Variants in CFLAR observed in about 807,000 individuals in gnomAD.
The protein encoded by CFLAR is CASP8 and FADD like apoptosis regulator.
A neutral mutation model predicts 51.1 loss-of-function variants in CFLAR; 14 were observed. The observed-to-expected ratio is 0.27, with a 90% confidence interval of 0.18 to 0.43. The LOEUF (loss-of-function observed/expected upper bound fraction) is 0.43, where lower values mean the gene tolerates loss of function less well. Among genes scored for constraint, CFLAR ranks in the 20% least tolerant of loss-of-function variants. The probability of loss-of-function intolerance (pLI) is 1.00; values close to 1 mark genes in which losing one functional copy is unlikely to be tolerated. For synonymous variants in CFLAR, 210 were observed against 211.6 expected (o/e 0.99, Z 0.06); for missense variants, 390 against 566.5 (o/e 0.69, Z 3.16).
At chr2:201,150,348 T>C (rs1473176968) in intron 8 of CFLAR, 1 of 136,556 alleles carries the variant, frequency 7.3e-6, no homozygotes, top group Non-Finnish European at 1.6e-5. Context: ...AAAAAAAAAA[T>C]TAGCTGGTGT....
In CFLAR at chr2:201,175,949, A is replaced by G. The variant is rs1433745874; in HGVS notation, c.*11976A>G. 2.0e-5 allele frequency: 3 copies of G among 152,176 alleles called. No individual in the cohort carries two copies. Among genetic ancestry groups the G allele is most frequent in the Admixed American group, 6.6e-5 (1 of 15,258 alleles). The allele number at this position is 152,176 out of a possible 1,614,324, so 9.4% of individuals were successfully genotyped here. On this transcript the variant is annotated 3_prime_UTR_variant, in exon 10 of 10. Transcript: ENST00000309955. Reference sequence around the variant, plus strand: ...TGATGAAACCTCGTCTCTACTAAAAATAGAAAAATCAGCTGGGCATGGTGG... The same window carrying G: ...TGATGAAACCTCGTCTCTACTAAAAGTAGAAAAATCAGCTGGGCATGGTGG...
intron 8 of CFLAR, among the ~76,000 whole-genome samples, chr2:201,152,615 C>T (rs1438631177): frequency 6.6e-6 from 1 of 152,172 alleles, no homozygotes; most frequent in Non-Finnish European, 1.5e-5. Context: ...GAGACCAGGG[C>T]ACTGAGGCCT....
intron 1 of CFLAR, among the ~76,000 whole-genome samples, chr2:201,127,677 C>T (rs2048838465): frequency 6.6e-6 from 1 of 152,212 alleles, no homozygotes; most frequent in African/African-American, 2.4e-5. Context: ...AGCATACACA[C>T]ACGCTGCTAT....
chr2:201,146,759 A>T (rs1425755150), intron 6 of CFLAR: 1 of 152,242 alleles, frequency 6.6e-6, no homozygotes, highest in East Asian at 1.9e-4. Flanking sequence ...GTGGTGGGAC[A>T]TCATGAATGT....
Position 201,138,073 on chromosome 2 carries a change from T to G in CFLAR, c.523+1966T>G. The G allele has an allele frequency of 1.4e-6, 1 of 729,836 alleles. No individual in the cohort carries two copies. Among genetic ancestry groups the G allele is most frequent in the Non-Finnish European group, 2.5e-6 (1 of 392,722 alleles). 45.2% of individuals were successfully genotyped at this position (729,836 alleles called of 1,614,324 possible). On this transcript the variant is annotated intron_variant, in intron 4 of 9. Transcript: ENST00000309955. This position sits in a 1 kb window ranked among gnomAD's most constrained non-coding sequence, Gnocchi z 4.0. ...GCTATCACTTCCTGGTTGATGTAGATGGAGCCGCGCAGTCCATGCCCCTGC... is the reference window on the plus strand; with the variant it reads ...GCTATCACTTCCTGGTTGATGTAGAGGGAGCCGCGCAGTCCATGCCCCTGC...
At position 201,160,893 on chromosome 2, in the gene CFLAR, T is replaced by G; in HGVS notation, c.1255T>G (p.Ser419Ala). 1 of 1,612,380 alleles carries G rather than the reference T, an allele frequency of 6.2e-7. No homozygotes were observed. Among genetic ancestry groups the G allele is most frequent in the Non-Finnish European group, 8.5e-7 (1 of 1,178,960 alleles). Residue 419 changes from serine to alanine, a missense_variant, in exon 9 of 10, where the codon TCA becomes GCA. Ser to Ala is a moderately conservative substitution (Grantham distance 99). This residue lies in a region of CFLAR where 287 missense variants were observed against 363.6 expected (regional missense o/e 0.79). Coordinates refer to ENST00000309955, the MANE Select transcript of CFLAR (RefSeq NM_003879.7). ...DMSLLEQSHSSPSLYLQCLSQ... is the reference protein window; with the variant it reads ...DMSLLEQSHSAPSLYLQCLSQ... ...GTCCCTGCTGGAGCAGTCTCACAGCTCACCATCCCTGTACCTGCAGTGCCT... is the reference window on the plus strand; with the variant it reads ...GTCCCTGCTGGAGCAGTCTCACAGCGCACCATCCCTGTACCTGCAGTGCCT...
At chr2:201,158,333 A>G (rs756979669) in intron 8 of CFLAR, among the ~76,000 whole-genome samples, 1 of 152,242 alleles carries the variant, frequency 6.6e-6, no homozygotes, top group Non-Finnish European at 1.5e-5. Flanking sequence ...AAGGCACAGT[A>G]CAGCATTTGT....
At chr2:201,142,785 G>C (rs1167728523) in intron 5 of CFLAR, 1 of 152,684 alleles carries the variant, frequency 6.5e-6, no homozygotes, top group Non-Finnish European at 1.5e-5. Context: ...TTTTAGTAGA[G>C]ATGGGGTTTC....
rs1332549758 is a variant in CFLAR at position 201,161,010 on chromosome 2, C to A, written c.1304+68C>A. 14 of 1,081,104 alleles carry A rather than the reference C, an allele frequency of 1.3e-5. No individual in the cohort carries two copies. The Admixed American group carries it at 3.0e-4, about 23-fold the overall frequency. 67.0% of individuals were successfully genotyped at this position (1,081,104 alleles called of 1,614,324 possible). The stretch of plus-strand genomic sequence containing the variant: ...TTTCGTGCCACCAGGATGGGAATTA[C>A]CACTGTGCCACATTTGCTGCCCATC... On this transcript the variant is annotated intron_variant, in intron 9 of 9. Transcript: ENST00000309955.
At position 201,164,293 on chromosome 2, in the gene CFLAR, AG is replaced by A; in HGVS notation, c.*322del. ...CCCATCTCTTTAAAAAAAAAAAAAA[AG>A]GACAGGAACTATCTTACTCAATGTA... is the stretch of plus-strand genomic sequence containing the variant. On this transcript the variant is annotated 3_prime_UTR_variant, in exon 10 of 10. Transcript: ENST00000309955. The A allele has an allele frequency of 5.2e-6, 1 of 191,218 alleles. No individual in the cohort carries two copies. 11.8% of individuals were successfully genotyped at this position (191,218 alleles called of 1,614,324 possible). A position where few individuals can be genotyped will look rare whatever the true frequency, so the allele number is the denominator to read the frequency against.
rs1384879487 is a variant in CFLAR at position 201,174,790 on chromosome 2, G to A, written c.*10817G>A. The A allele has an allele frequency of 6.6e-6, 1 of 152,136 alleles. No homozygotes were observed. Among genetic ancestry groups the A allele is most frequent in the Admixed American group, 6.5e-5 (1 of 15,268 alleles). The allele number at this position is 152,136 out of a possible 1,614,324, so 9.4% of individuals were successfully genotyped here. A position where few individuals can be genotyped will look rare whatever the true frequency, so the allele number is the denominator to read the frequency against. ...AAAAAGGGCCTCTGGAATTTTGATA[G>A]TGATTACACTGAATGAGAGGAGTTT... On this transcript the variant is annotated 3_prime_UTR_variant, in exon 10 of 10. Coordinates refer to ENST00000309955, the MANE Select transcript of CFLAR (RefSeq NM_003879.7).
chr2:201,152,100 C>A (rs1196627236), intron 8 of CFLAR, among the ~76,000 whole-genome samples: 1 of 152,036 alleles, frequency 6.6e-6, no homozygotes, highest in Non-Finnish European at 1.5e-5. Flanking sequence ...AATTCTCCTG[C>A]CTCAGCCTCC....
chr2:201,160,000 A>C (rs768764223), intron 8 of CFLAR, among the ~76,000 whole-genome samples: 7 of 152,162 alleles, frequency 4.6e-5, no homozygotes, highest in Non-Finnish European at 8.8e-5. Context: ...CCTGTTCTTC[A>C]TGTGGGCCTC....
chr2:201,167,066 GATTT>G lies in CFLAR; in HGVS notation c.*3102_*3105del, dbSNP rs1027254447. 1.6e-5 allele frequency: 2 copies of G among 128,646 alleles called. No homozygotes were observed. The highest frequency in any genetic ancestry group is 2.9e-5 in the African/African-American group (1 of 34,626). 8.0% of individuals were successfully genotyped at this position (128,646 alleles called of 1,614,324 possible). A position where few individuals can be genotyped will look rare whatever the true frequency, so the allele number is the denominator to read the frequency against. On this transcript the variant is annotated 3_prime_UTR_variant, in exon 10 of 10. Coordinates refer to ENST00000309955, the MANE Select transcript of CFLAR (RefSeq NM_003879.7). ...GAATACCACTTTTTAAATATTTTAT[GATTT>G]ATTTATTTTTCTATTTCTTGAGGTT...
Position 201,176,279 on chromosome 2 carries a change from G to A in CFLAR, c.*12306G>A, listed in dbSNP as rs1159059156. Reference sequence around the variant, plus strand: ...ATCAGTCTCAGGTGTTTTCTATTGCGGGGGGGGGGGGCGGGCGGGGGAGCT... The same window carrying A: ...ATCAGTCTCAGGTGTTTTCTATTGCAGGGGGGGGGGGCGGGCGGGGGAGCT... On this transcript the variant is annotated 3_prime_UTR_variant, in exon 10 of 10. Transcript: ENST00000309955. 2.8e-5 allele frequency: 1 copy of A among 36,060 alleles called. No homozygotes were observed. Among genetic ancestry groups the A allele is most frequent in the Non-Finnish European group, 6.4e-5 (1 of 15,640 alleles). 2.2% of individuals were successfully genotyped at this position (36,060 alleles called of 1,614,324 possible). A position where few individuals can be genotyped will look rare whatever the true frequency, so the allele number is the denominator to read the frequency against.
At chr2:201,125,823 C>T (rs764632529) in intron 1 of CFLAR, among the ~76,000 whole-genome samples, 3 of 152,086 alleles carry the variant, frequency 2.0e-5, no homozygotes, top group Non-Finnish European at 4.4e-5. Context: ...TATCTCTTCT[C>T]CCTTCCTTCG....
In CFLAR at chr2:201,164,668, C is replaced by T. The variant is rs950669963; in HGVS notation, c.*695C>T. ...GTCCACTGACTCAAATGTTAAATCT[C>T]CTTTGGCAGCACCCTCACAGATGTA... is the stretch of plus-strand genomic sequence containing the variant. On this transcript the variant is annotated 3_prime_UTR_variant, in exon 10 of 10. Transcript: ENST00000309955. 7 of 152,196 alleles carry T rather than the reference C, an allele frequency of 4.6e-5. No homozygotes were observed. The highest frequency in any genetic ancestry group is 1.4e-4 in the African/African-American group (6 of 41,440). The allele number at this position is 152,196 out of a possible 1,614,324, so 9.4% of individuals were successfully genotyped here. A position where few individuals can be genotyped will look rare whatever the true frequency, so the allele number is the denominator to read the frequency against.
At chr2:201,127,885 T>C (rs1212406763) in intron 1 of CFLAR, among the ~76,000 whole-genome samples, 6 of 152,152 alleles carry the variant, frequency 3.9e-5, no homozygotes, top group African/African-American at 1.4e-4. Flanking sequence ...ATGGGTGTGA[T>C]GGTTGGAAGA....
At chr2:201,163,191 T>TC in intron 9 of CFLAR, 1 of 1,119,406 alleles carries the variant, frequency 8.9e-7, no homozygotes, top group Non-Finnish European at 1.2e-6. Flanking sequence ...AAAAGTGGTA[T>TC]CTGACTGTTC....
Sources: gnomAD v4.1 joint callset for allele counts (sites outside exome capture counted in the v4.1 genomes callset) on GRCh38, gnomAD v4.1.1 for gene constraint, gnomAD v4.1.1 regional missense constraint, Gnocchi (gnomAD v3.1) non-coding constraint, MANE v1.5 for transcripts, NCBI Gene and HGNC (gene_info 2026-07-23, HGNC 2026-07-21) for gene names.